The following OR10A5 variants were observed in gnomAD, a reference collection of about 807,000 sequenced individuals.
The protein encoded by OR10A5 is olfactory receptor family 10 subfamily A member 5.
A neutral mutation model predicts 6.0 loss-of-function variants in OR10A5; 7 were observed. The ratio of observed to expected loss-of-function variants is 1.17; its 90% CI spans 0.66 to 2.20. The LOEUF (loss-of-function observed/expected upper bound fraction) is 2.20. OR10A5 is among the 30% of genes most tolerant of loss of function. OR10A5 has a pLI of 0.00. For synonymous variants in OR10A5, 149 were observed against 148.8 expected, an observed-to-expected ratio of 1.00 and a Z score of -0.01; for missense variants, 369 against 378.1, an observed-to-expected ratio of 0.98 and a Z score of 0.20.
At position 6,845,846 on chromosome 11, in the gene OR10A5, T is replaced by C. The variant is rs1167426455; in HGVS notation, c.164T>C (p.Met55Thr). Residue 55 changes from methionine to threonine, a missense_variant, in exon 1 of 1, where the codon ATG becomes ACG. Physicochemically the swap from Met to Thr is moderately conservative, Grantham distance 81. Transcript: ENST00000299454. Reference sequence around the variant, plus strand: ...ATTCTGGTTACCCTAGCTGACCCCATGCTACACAGCCCCATGTACTTCTTC... The same window carrying C: ...ATTCTGGTTACCCTAGCTGACCCCACGCTACACAGCCCCATGTACTTCTTC... ...LIILVTLADP[M>T]LHSPMYFFLR... 2 of 1,614,054 alleles carry C rather than the reference T, an allele frequency of 1.2e-6. No individual in the cohort carries two copies. The highest frequency in any genetic ancestry group is 1.7e-5 in the Admixed American group (1 of 60,002).
Position 6,846,548 on chromosome 11 carries a change from T to C in OR10A5, c.866T>C (p.Ile289Thr). 3 of 1,614,054 alleles carry C rather than the reference T, an allele frequency of 1.9e-6. No individual in the cohort carries two copies. The highest frequency in any genetic ancestry group is 1.3e-5 in the African/African-American group (1 of 75,040). The change falls in exon 1 of 1, where the codon ATT becomes ACT. Residue 289 changes from isoleucine to threonine, a missense_variant. Ile to Thr is a moderately conservative substitution (Grantham distance 89, BLOSUM62 -1). Coordinates refer to ENST00000299454, the MANE Select transcript of OR10A5 (RefSeq NM_178168.1). ...YTVVTPMLNP[I>T]IYSLRNSEVK... ...GTTGTGACTCCCATGTTGAACCCCATTATCTACAGCTTGAGAAATAGCGAG... is the reference window on the plus strand; with the variant it reads ...GTTGTGACTCCCATGTTGAACCCCACTATCTACAGCTTGAGAAATAGCGAG...
Position 6,846,345 on chromosome 11 carries a change from C to G in OR10A5, c.663C>G (p.Arg221=). Reference sequence around the variant, plus strand: ...TGCTGATCTTGTGTTCCTATACTCGCATTGCTGCTGCTATCCTCAAGATCC... The same window carrying G: ...TGCTGATCTTGTGTTCCTATACTCGGATTGCTGCTGCTATCCTCAAGATCC... ...PCLLILCSYT[R]IAAAILKIPS... is the part of the protein sequence containing the mutation. Residue 221 remains arginine, a synonymous_variant, in exon 1 of 1, where the codon CGC becomes CGG. Coordinates refer to ENST00000299454, the MANE Select transcript of OR10A5 (RefSeq NM_178168.1). 2 of 1,614,214 alleles carry G rather than the reference C, an allele frequency of 1.2e-6. No individual in the cohort carries two copies. The highest frequency in any genetic ancestry group is 1.7e-6 in the Non-Finnish European group (2 of 1,180,036).
At position 6,845,983 on chromosome 11, in the gene OR10A5, C is replaced by A; in HGVS notation, c.301C>A (p.Gln101Lys). 3 of 1,614,196 alleles carry A rather than the reference C, an allele frequency of 1.9e-6. No individual in the cohort carries two copies. The highest frequency in any genetic ancestry group is 2.5e-6 in the Non-Finnish European group (3 of 1,180,034). Residue 101 changes from glutamine to lysine, a missense_variant, in exon 1 of 1, where the codon CAG becomes AAG. Gln to Lys is a moderately conservative substitution (Grantham distance 53, BLOSUM62 1). Transcript: ENST00000299454. ...TTISFLGCAT[Q>K]MYFFFFFGVA... ...CATCTCCTTCCTTGGCTGTGCCACT[C>A]AGATGTATTTCTTCTTCTTCTTTGG...
chr11:6,845,866 T>G lies in OR10A5; in HGVS notation c.184T>G (p.Phe62Val), dbSNP rs200163048. The G allele has an allele frequency of 1.4e-4, 228 of 1,614,196 alleles. No homozygotes were observed. The highest frequency in any genetic ancestry group is 1.0e-3 in the Admixed American group (62 of 60,026). ...ADPMLHSPMY[F>V]FLRNLSFLEI... ...CCCCATGCTACACAGCCCCATGTACTTCTTCCTCAGAAACTTATCTTTCCT... is the reference window on the plus strand; with the variant it reads ...CCCCATGCTACACAGCCCCATGTACGTCTTCCTCAGAAACTTATCTTTCCT... The change falls in exon 1 of 1, where the codon TTC becomes GTC. Residue 62 changes from phenylalanine (F) to valine (V), a missense_variant. Coordinates refer to ENST00000299454, the MANE Select transcript of OR10A5 (RefSeq NM_178168.1).
In OR10A5 at chr11:6,846,119, C is replaced by T. The variant is rs1848208819; in HGVS notation, c.437C>T (p.Ala146Val). 3 of 1,614,254 alleles carry T rather than the reference C, an allele frequency of 1.9e-6. No homozygotes were observed. ...AACCAAAGGACACGGGCCAAACTGG[C>T]TGCTGCTTCCTGGTTCCCAGGCTTT... is the stretch of plus-strand genomic sequence containing the variant. ...IMNQRTRAKLAAASWFPGFPV... is the reference protein window; with the variant it reads ...IMNQRTRAKLVAASWFPGFPV... The change falls in exon 1 of 1, where the codon GCT becomes GTT. Residue 146 changes from alanine (A) to valine (V), a missense_variant. Physicochemically the swap from Ala to Val is moderately conservative, Grantham distance 64 (BLOSUM62 0). Coordinates refer to ENST00000299454, the MANE Select transcript of OR10A5 (RefSeq NM_178168.1).
rs747649723 is a variant in OR10A5, at chr11:6,845,759, C to T, written c.77C>T (p.Ser26Leu). The T allele has an allele frequency of 1.2e-6, 2 of 1,612,838 alleles. No individual in the cohort carries two copies. Among genetic ancestry groups the T allele is most frequent in the East Asian group, 4.5e-5 (2 of 44,894 alleles). Residue 26 changes from serine (S) to leucine (L), a missense_variant, in exon 1 of 1, where the codon TCA (serine) becomes TTA (leucine). By Grantham distance (145) the Ser-to-Leu change is moderately radical (BLOSUM62 -2). Coordinates refer to ENST00000299454, the MANE Select transcript of OR10A5 (RefSeq NM_178168.1). Reference sequence around the variant, plus strand: ...TCTTCCCTACCTACTGAAATACAGTCATTGCTCTTCCTGACATTTCTAACT... The same window carrying T: ...TCTTCCCTACCTACTGAAATACAGTTATTGCTCTTCCTGACATTTCTAACT... ...SFSSLPTEIQSLLFLTFLTIY... is the reference protein window; with the variant it reads ...SFSSLPTEIQLLLFLTFLTIY...
chr11:6,846,500 AGTT>A lies in OR10A5; in HGVS notation c.822_824del (p.Leu275del), dbSNP rs753673868. 6.2e-6 allele frequency: 10 copies of A among 1,613,770 alleles called. No homozygotes were observed. Among genetic ancestry groups the A allele is most frequent in the Non-Finnish European group, 8.5e-6 (10 of 1,179,774 alleles). On this transcript the variant is annotated inframe_deletion, in exon 1 of 1. Coordinates refer to ENST00000299454, the MANE Select transcript of OR10A5 (RefSeq NM_178168.1). Reference sequence around the variant, plus strand: ...TCAAATAATTCTCCTGAGAGCAAGAAGTTGTTATCATTATCCTACACTGTTGTG... The same window carrying A: ...TCAAATAATTCTCCTGAGAGCAAGAAGTTATCATTATCCTACACTGTTGTG...
In OR10A5 at chr11:6,845,937, C is replaced by T; in HGVS notation, c.255C>T (p.Thr85=). The change falls in exon 1 of 1, where the codon ACC becomes ACT. Residue 85 remains threonine, a synonymous_variant. Coordinates refer to ENST00000299454, the MANE Select transcript of OR10A5 (RefSeq NM_178168.1). ...NLVIVPKMLG[T]LLAQDTTISF... ...TCATTGTGCCCAAAATGCTGGGGAC[C>T]CTGCTTGCCCAGGACACAACCATCT... The T allele has an allele frequency of 1.9e-6, 3 of 1,614,084 alleles. No individual in the cohort carries two copies. Among genetic ancestry groups the T allele is most frequent in the Non-Finnish European group, 1.7e-6 (2 of 1,179,952 alleles).
Position 6,846,498 on chromosome 11 carries a change from G to C in OR10A5, c.816G>C (p.Lys272Asn), listed in dbSNP as rs879199184. ...WPKSNNSPESKKLLSLSYTVV... is the reference protein window; with the variant it reads ...WPKSNNSPESNKLLSLSYTVV... ...AATCAAATAATTCTCCTGAGAGCAAGAAGTTGTTATCATTATCCTACACTG... is the reference window on the plus strand; with the variant it reads ...AATCAAATAATTCTCCTGAGAGCAACAAGTTGTTATCATTATCCTACACTG... The change falls in exon 1 of 1, where the codon AAG becomes AAC. Residue 272 changes from lysine to asparagine, a missense_variant. Coordinates refer to ENST00000299454, the MANE Select transcript of OR10A5 (RefSeq NM_178168.1). 4 of 1,613,790 alleles carry C rather than the reference G, an allele frequency of 2.5e-6. No individual in the cohort carries two copies. Among genetic ancestry groups the C allele is most frequent in the Non-Finnish European group, 3.4e-6 (4 of 1,179,806 alleles).
chr11:6,846,204 G>A lies in OR10A5; in HGVS notation c.522G>A (p.Lys174=). 6.2e-7 allele frequency: 1 copy of A among 1,614,186 alleles called. No homozygotes were observed. The highest frequency in any genetic ancestry group is 2.2e-5 in the East Asian group (1 of 44,874). ...LFSFPFCGTN[K]VNHFFCDSPP... ...GTTTTCCATTCTGTGGCACCAACAAGGTGAACCACTTCTTCTGTGACAGCC... is the reference window on the plus strand; with the variant it reads ...GTTTTCCATTCTGTGGCACCAACAAAGTGAACCACTTCTTCTGTGACAGCC... Residue 174 remains lysine, a synonymous_variant, in exon 1 of 1, where the codon AAG becomes AAA. Transcript: ENST00000299454.
At position 6,846,140 on chromosome 11, in the gene OR10A5, G is replaced by A. The variant is rs371179743; in HGVS notation, c.458G>A (p.Gly153Asp). The A allele has an allele frequency of 2.5e-5, 40 of 1,614,202 alleles. No homozygotes were observed. The African/African-American group carries it at 5.2e-4, about 21-fold the overall frequency. ...AKLAAASWFP[G>D]FPVATVQTTW... ...CTGGCTGCTGCTTCCTGGTTCCCAGGCTTTCCTGTAGCTACTGTGCAGACC... is the reference window on the plus strand; with the variant it reads ...CTGGCTGCTGCTTCCTGGTTCCCAGACTTTCCTGTAGCTACTGTGCAGACC... Residue 153 changes from glycine (G) to aspartate (D), a missense_variant, in exon 1 of 1, where the codon GGC (glycine) becomes GAC (aspartate). Physicochemically the swap from Gly to Asp is moderately conservative, Grantham distance 94. Transcript: ENST00000299454.
At position 6,845,707 on chromosome 11, in the gene OR10A5, A is replaced by G. The variant is rs142157103; in HGVS notation, c.25A>G (p.Ile9Val). The stretch of plus-strand genomic sequence containing the variant: ...TATGGCTATAGGAAACTGGACAGAA[A>G]TAAGTGAATTTATCCTCATGAGCTT... MAIGNWTEISEFILMSFSS... is the reference protein window; with the variant it reads MAIGNWTEVSEFILMSFSS... Residue 9 changes from isoleucine to valine, a missense_variant, in exon 1 of 1, where the codon ATA becomes GTA. Transcript: ENST00000299454. 1.2e-6 allele frequency: 2 copies of G among 1,605,186 alleles called. No homozygotes were observed. Among genetic ancestry groups the G allele is most frequent in the African/African-American group, 2.7e-5 (2 of 74,732 alleles).
In OR10A5 at chr11:6,846,008, G is replaced by C; in HGVS notation, c.326G>C (p.Gly109Ala). The C allele has an allele frequency of 6.2e-7, 1 of 1,614,046 alleles. No homozygotes were observed. Among genetic ancestry groups the C allele is most frequent in the Non-Finnish European group, 8.5e-7 (1 of 1,180,006 alleles). ...CAGATGTATTTCTTCTTCTTCTTTG[G>C]GGTAGCTGAATGCTTCCTCCTGGCT... ...ATQMYFFFFF[G>A]VAECFLLATM... Residue 109 changes from glycine to alanine, a missense_variant, in exon 1 of 1, where the codon GGG (glycine) becomes GCG (alanine). Transcript: ENST00000299454.
chr11:6,846,351 T>G lies in OR10A5; in HGVS notation c.669T>G (p.Ala223=), dbSNP rs1434697468. Residue 223 remains alanine (A), a synonymous_variant, in exon 1 of 1, where the codon GCT becomes GCG. Transcript: ENST00000299454. ...TCTTGTGTTCCTATACTCGCATTGC[T>G]GCTGCTATCCTCAAGATCCCATCAG... ...LLILCSYTRI[A]AAILKIPSAK... 4 of 1,614,118 alleles carry G rather than the reference T, an allele frequency of 2.5e-6. No homozygotes were observed. The highest frequency in any genetic ancestry group is 3.4e-6 in the Non-Finnish European group (4 of 1,180,044).
In OR10A5 at chr11:6,846,076, C is replaced by T. The variant is rs769764293; in HGVS notation, c.394C>T (p.His132Tyr). Residue 132 changes from histidine to tyrosine, a missense_variant, in exon 1 of 1, where the codon CAC becomes TAC. Physicochemically the swap from His to Tyr is moderately conservative, Grantham distance 83. Transcript: ENST00000299454. Reference protein sequence around the residue: ...DRYVAICSPLHYPVIMNQRTR... With the variant: ...DRYVAICSPLYYPVIMNQRTR... Reference sequence around the variant, plus strand: ...CTATGTGGCCATCTGCAGTCCCTTGCACTACCCAGTCATCATGAACCAAAG... The same window carrying T: ...CTATGTGGCCATCTGCAGTCCCTTGTACTACCCAGTCATCATGAACCAAAG... 2.5e-6 allele frequency: 4 copies of T among 1,614,128 alleles called. No homozygotes were observed. The highest frequency in any genetic ancestry group is 1.6e-4 in the Middle Eastern group (1 of 6,084).
In OR10A5 at chr11:6,845,733, C is replaced by G; in HGVS notation, c.51C>G (p.Phe17Leu). Residue 17 changes from phenylalanine to leucine, a missense_variant, in exon 1 of 1, where the codon TTC (phenylalanine) becomes TTG (leucine). Transcript: ENST00000299454. ...TEISEFILMS[F>L]SSLPTEIQSL... Reference sequence around the variant, plus strand: ...TAAGTGAATTTATCCTCATGAGCTTCTCTTCCCTACCTACTGAAATACAGT... The same window carrying G: ...TAAGTGAATTTATCCTCATGAGCTTGTCTTCCCTACCTACTGAAATACAGT... 1.2e-6 allele frequency: 2 copies of G among 1,612,628 alleles called. No homozygotes were observed. The highest frequency in any genetic ancestry group is 1.7e-6 in the Non-Finnish European group (2 of 1,178,612).
chr11:6,845,817 C>T lies in OR10A5; in HGVS notation c.135C>T (p.Leu45=), dbSNP rs749443657. ...IYLVTLKGNS[L]IILVTLADPM... The stretch of plus-strand genomic sequence containing the variant: ...TGGTTACTCTGAAGGGAAACAGCCT[C>T]ATCATTCTGGTTACCCTAGCTGACC... Residue 45 remains leucine, a synonymous_variant, in exon 1 of 1, where the codon CTC becomes CTT. Transcript: ENST00000299454. 3.6e-5 allele frequency: 58 copies of T among 1,614,050 alleles called. No homozygotes were observed. The highest frequency in any genetic ancestry group is 4.8e-5 in the Non-Finnish European group (57 of 1,180,004).
In OR10A5 at chr11:6,846,031, G is replaced by A; in HGVS notation, c.349G>A (p.Ala117Thr). ...FFGVAECFLL[A>T]TMAYDRYVAI... Reference sequence around the variant, plus strand: ...TGGGGTAGCTGAATGCTTCCTCCTGGCTACCATGGCATATGACCGCTATGT... The same window carrying A: ...TGGGGTAGCTGAATGCTTCCTCCTGACTACCATGGCATATGACCGCTATGT... Residue 117 changes from alanine (A) to threonine (T), a missense_variant, in exon 1 of 1, where the codon GCT becomes ACT. Coordinates refer to ENST00000299454, the MANE Select transcript of OR10A5 (RefSeq NM_178168.1). The A allele has an allele frequency of 1.2e-6, 2 of 1,614,092 alleles. No individual in the cohort carries two copies. Among genetic ancestry groups the A allele is most frequent in the Non-Finnish European group, 1.7e-6 (2 of 1,180,024 alleles).
rs1311623427 is a variant in OR10A5, at chr11:6,846,444, A to G, written c.762A>G (p.Ile254Met). The change falls in exon 1 of 1, where the codon ATA becomes ATG. Residue 254 changes from isoleucine to methionine, a missense_variant. Transcript: ENST00000299454. ...SHLLVVSLFY[I>M]SSSLTYFWPK... ...TCCTTGTTGTCTCTCTTTTCTATAT[A>G]TCTTCTAGCCTCACCTACTTCTGGC... 2 of 1,614,004 alleles carry G rather than the reference A, an allele frequency of 1.2e-6. No homozygotes were observed. Among genetic ancestry groups the G allele is most frequent in the Non-Finnish European group, 1.7e-6 (2 of 1,180,004 alleles).
Sources: gnomAD v4.1 joint callset for allele counts on GRCh38, gnomAD v4.1.1 for gene constraint, MANE v1.5 for transcripts, NCBI Gene and HGNC (gene_info 2026-07-23, HGNC 2026-07-21) for gene names.